SYT2: variants seen among roughly 807,000 people sequenced by gnomAD.
SYT2 encodes the protein synaptotagmin 2, also known as synaptotagmin-2.
Under a neutral mutation model 39.9 loss-of-function variants are expected in SYT2, and 15 were observed. The observed-to-expected ratio is 0.38, with a 90% CI of 0.25 to 0.58. The LOEUF (loss-of-function observed/expected upper bound fraction) is 0.58, where lower values mean the gene tolerates loss of function less well. SYT2 is among the 20% of genes least tolerant of loss of function. SYT2 has a pLI of 0.70. For synonymous variants in SYT2, 181 were observed against 204.5 expected (o/e 0.89, Z 0.98); for missense variants, 389 against 530.3 (o/e 0.73, Z 2.62).
intron 1 of SYT2, among the ~76,000 whole-genome samples, chr1:202,706,611 A>G (rs150809007): frequency 7.6e-4 from 116 of 152,360 alleles, no homozygotes; most frequent in Non-Finnish European, 1.4e-3. Context: ...GAACCCTGGC[A>G]ATCTGGCTGT....
intron 1 of SYT2, among the ~76,000 whole-genome samples, chr1:202,650,002 C>T (rs1457102704): frequency 6.6e-6 from 1 of 152,360 alleles, no homozygotes; most frequent in Non-Finnish European, 1.5e-5. Flanking sequence ...CCATCCCCTC[C>T]GTAAGGGCTT....
intron 1 of SYT2, among the ~76,000 whole-genome samples, chr1:202,671,985 C>T (rs1692596569): frequency 6.6e-6 from 1 of 152,142 alleles, no homozygotes; most frequent in Non-Finnish European, 1.5e-5. Context: ...CACAAAGAAA[C>T]AAGACACCTT....
chr1:202,623,089 G>A lies in SYT2; in HGVS notation c.-17-17300C>T, dbSNP rs1451049440. Among the ~76,000 whole-genome samples, 1 of 152,190 alleles carries A rather than the reference G, an allele frequency of 6.6e-6. No homozygotes were observed. The highest frequency in any genetic ancestry group is 2.4e-5 in the African/African-American group (1 of 41,442). On this transcript the variant is annotated intron_variant, in intron 1 of 8. Coordinates refer to ENST00000367268, the MANE Select transcript of SYT2 (RefSeq NM_177402.5). The surrounding 1 kb of genome is among the most constrained non-coding windows in gnomAD (Gnocchi z 4.2). ...CCTTGGCTAACTCTTGTAGGGTGCA[G>A]GGATAGTAGCAGTGGTGAGGGGGCA...
intron 1 of SYT2, among the ~76,000 whole-genome samples, chr1:202,630,685 C>T (rs1185127803): frequency 1.3e-5 from 2 of 152,204 alleles, no homozygotes; most frequent in African/African-American, 4.8e-5. Context: ...GAGACGCCAT[C>T]ATCTGGGACC....
chr1:202,596,995 A>T, intron 8 of SYT2, 32 bp from the exon 9 acceptor site: 1 of 1,597,932 alleles, frequency 6.3e-7, no homozygotes, highest in Non-Finnish European at 8.6e-7. Flanking sequence ...GAGTTGGCAG[A>T]CAGAGACGTG....
chr1:202,640,734 C>CAGAGAGAGAGAG (rs56979202), intron 1 of SYT2, among the ~76,000 whole-genome samples: 12 of 90,740 alleles, frequency 1.3e-4, no homozygotes, highest in South Asian at 4.5e-4. Context: ...TCCTAATGGT[C>CAGAGAGAGAGAG]AGAGAGAGAG....
chr1:202,598,460 A>C (rs1365743697), intron 8 of SYT2, among the ~76,000 whole-genome samples: 2 of 152,164 alleles, frequency 1.3e-5, no homozygotes, highest in African/African-American at 4.8e-5. Context: ...CATCATACAC[A>C]TCTCCATAGA....
intron 1 of SYT2, among the ~76,000 whole-genome samples, chr1:202,683,057 C>A (rs1163230687): frequency 6.6e-6 from 1 of 152,114 alleles, no homozygotes; most frequent in Non-Finnish European, 1.5e-5. Flanking sequence ...ATGCCATGTA[C>A]GCCCACCAGA....
chr1:202,640,997 G>A (rs1327959514), intron 1 of SYT2, among the ~76,000 whole-genome samples: 3 of 152,186 alleles, frequency 2.0e-5, no homozygotes, highest in African/African-American at 7.2e-5. Context: ...ACTCATTGAG[G>A]ACTTAGACAG....
At chr1:202,624,454 TGTG>T (rs1314393713) in intron 1 of SYT2, among the ~76,000 whole-genome samples, 2 of 151,498 alleles carry the variant, frequency 1.3e-5, no homozygotes, top group East Asian at 3.9e-4. Flanking sequence ...GTGTATGTGT[TGTG>T]GTCTGTTGTG....
chr1:202,672,140 C>A (rs968127847), intron 1 of SYT2, among the ~76,000 whole-genome samples: 7 of 152,110 alleles, frequency 4.6e-5, no homozygotes, highest in Admixed American at 1.3e-4. Flanking sequence ...CAGCAAATAG[C>A]CAGAAACTGT....
intron 1 of SYT2, among the ~76,000 whole-genome samples, chr1:202,621,446 G>T (rs929338699): frequency 6.6e-6 from 1 of 152,028 alleles, no homozygotes; most frequent in African/African-American, 2.4e-5. Context: ...ACACACATGC[G>T]CCACCATGCC....
At chr1:202,668,839 C>T (rs1376903381) in intron 1 of SYT2, among the ~76,000 whole-genome samples, 3 of 152,162 alleles carry the variant, frequency 2.0e-5, no homozygotes, top group South Asian at 2.1e-4. Context: ...AGGCACTGAC[C>T]GATGGCCCCT....
intron 1 of SYT2, among the ~76,000 whole-genome samples, chr1:202,624,332 C>A (rs1157044237): frequency 2.9e-5 from 4 of 138,990 alleles, no homozygotes; most frequent in Non-Finnish European, 6.1e-5. Flanking sequence ...GGGGTGGAGG[C>A]TCTAGTGGGG....
At chr1:202,673,935 G>A (rs1014012382) in intron 1 of SYT2, among the ~76,000 whole-genome samples, 1 of 152,112 alleles carries the variant, frequency 6.6e-6, no homozygotes, top group African/African-American at 2.4e-5. Flanking sequence ...GGCTGGTTCT[G>A]GGTAGGAGTG....
chr1:202,625,676 G>A (rs1373197361), intron 1 of SYT2, among the ~76,000 whole-genome samples: 1 of 152,008 alleles, frequency 6.6e-6, no homozygotes, highest in Non-Finnish European at 1.5e-5. Flanking sequence ...CACGCCCTCC[G>A]CACACAGCCG....
At chr1:202,687,561 C>T (rs1391408289) in intron 1 of SYT2, among the ~76,000 whole-genome samples, 4 of 151,834 alleles carry the variant, frequency 2.6e-5, no homozygotes, top group Non-Finnish European at 5.9e-5. Flanking sequence ...AAGAGGGCCT[C>T]CCCTTGACCA....
intron 1 of SYT2, among the ~76,000 whole-genome samples, chr1:202,705,603 G>A (rs1291896636): frequency 6.6e-6 from 1 of 152,150 alleles, no homozygotes; most frequent in Non-Finnish European, 1.5e-5. Context: ...AGTGTGAGGG[G>A]CTTTCAGAAT....
At position 202,596,949 on chromosome 1, in the gene SYT2, C is replaced by G; in HGVS notation, c.1068G>C (p.Val356=). 1 of 1,614,124 alleles carries G rather than the reference C, an allele frequency of 6.2e-7. No homozygotes were observed. The highest frequency in any genetic ancestry group is 8.5e-7 in the Non-Finnish European group (1 of 1,179,980). Residue 356 remains valine (V), a synonymous_variant, in exon 9 of 9, where the codon GTG becomes GTC. Coordinates refer to ENST00000367268, the MANE Select transcript of SYT2 (RefSeq NM_177402.5). ...PFEQIQKVQV[V]VTVLDYDKLG... ...GCTTGTCATAGTCCAGCACGGTGACCACTACCTGGACTTTCTGCAAGGAAA... is the reference window on the plus strand; with the variant it reads ...GCTTGTCATAGTCCAGCACGGTGACGACTACCTGGACTTTCTGCAAGGAAA...
Sources: gnomAD v4.1 joint callset for allele counts (sites outside exome capture counted in the v4.1 genomes callset) on GRCh38, gnomAD v4.1.1 for gene constraint, Gnocchi (gnomAD v3.1) non-coding constraint, MANE v1.5 for transcripts, NCBI Gene and HGNC (gene_info 2026-07-23, HGNC 2026-07-21) for gene names.